The following SEC14L1 variants were observed in gnomAD, a reference collection of about 807,000 sequenced individuals.
SEC14L1 encodes SEC14 like lipid binding 1.
Under a neutral mutation model 85.3 loss-of-function variants are expected in SEC14L1, and 48 were observed. The observed-to-expected ratio is 0.56, with a 90% CI of 0.45 to 0.72. The LOEUF (loss-of-function observed/expected upper bound fraction) is 0.72, where lower values mean the gene tolerates loss of function less well. SEC14L1 is among the 30% of genes least tolerant of loss of function. The pLI, the probability that SEC14L1 is intolerant of heterozygous loss-of-function variation, is 0.00. For synonymous variants in SEC14L1, 391 were observed against 355.5 expected (o/e 1.10, Z -1.12); for missense variants, 682 against 921.4 (o/e 0.74, Z 3.36).
intron 2 of SEC14L1, among the ~76,000 whole-genome samples, chr17:77,090,529 G>T (rs975313005): frequency 6.8e-6 from 1 of 148,020 alleles, no homozygotes; most frequent in East Asian, 2.0e-4. Flanking sequence ...AAAAAGATCC[G>T]ATGGAGACTA....
chr17:77,152,802 A>G (rs182075065), intron 3 of SEC14L1: 2 of 152,320 alleles, frequency 1.3e-5, no homozygotes, highest in African/African-American at 2.4e-5. Context: ...AATGTCTTTC[A>G]TAAGTTGCTT....
At chr17:77,107,880 C>G (rs1053592146) in intron 3 of SEC14L1, among the ~76,000 whole-genome samples, 1 of 152,164 alleles carries the variant, frequency 6.6e-6, no homozygotes, top group Non-Finnish European at 1.5e-5. Context: ...AGCCCACAGT[C>G]TCTGAACACA....
At chr17:77,157,609 C>G (rs971948160) in intron 3 of SEC14L1, among the ~76,000 whole-genome samples, 1 of 151,828 alleles carries the variant, frequency 6.6e-6, no homozygotes, top group Non-Finnish European at 1.5e-5. Context: ...CTCACTGCAG[C>G]CTCCACCTCC....
upstream of SEC14L1, among the ~76,000 whole-genome samples, chr17:77,137,291 G>A (rs762288925): frequency 3.9e-5 from 6 of 152,144 alleles, no homozygotes; most frequent in African/African-American, 1.2e-4. Context: ...GAAGCATGGC[G>A]CTGGCATCTG....
intron 3 of SEC14L1, among the ~76,000 whole-genome samples, chr17:77,153,321 C>T (rs1029640506): frequency 6.6e-6 from 1 of 152,230 alleles, no homozygotes; most frequent in African/African-American, 2.4e-5. Flanking sequence ...CCCTCCTTGG[C>T]CTCCCAAAGT....
chr17:77,112,201 A>C (rs1266443661), intron 3 of SEC14L1, among the ~76,000 whole-genome samples: 1 of 151,978 alleles, frequency 6.6e-6, no homozygotes, highest in Non-Finnish European at 1.5e-5. Context: ...TTCCACCATG[A>C]TTGTAAGTTT....
chr17:77,192,065 G>A (rs1975570015), intron 5 of SEC14L1, among the ~76,000 whole-genome samples: 1 of 152,172 alleles, frequency 6.6e-6, no homozygotes, highest in South Asian at 2.1e-4. Context: ...AAAATGCTGG[G>A]ATTACAGGCG....
intron 3 of SEC14L1, among the ~76,000 whole-genome samples, chr17:77,106,446 C>T (rs1054785216): frequency 1.3e-5 from 2 of 151,490 alleles, no homozygotes; most frequent in African/African-American, 2.4e-5. Context: ...GCAGGAGAAT[C>T]GCTTGAACCC....
At position 77,190,843 on chromosome 17, in the gene SEC14L1, T is replaced by C. The variant is rs1049413; in HGVS notation, c.104T>C (p.Met35Thr). The change falls in exon 4 of 17, where the codon ATG becomes ACG. Residue 35 changes from methionine (M) to threonine (T), a missense_variant. Coordinates refer to ENST00000436233, the MANE Select transcript of SEC14L1 (RefSeq NM_001143998.2). ...RRFPTCPLIP[M>T]FVGSDTVNEF... The stretch of plus-strand genomic sequence containing the variant: ...TTCCCTACATGTCCTTTGATTCCGA[T>C]GTTCGTGGGCAGTGACACTGTGAAT... 3.7e-6 allele frequency: 6 copies of C among 1,614,096 alleles called. No individual in the cohort carries two copies. Among genetic ancestry groups the C allele is most frequent in the East Asian group, 2.2e-5 (1 of 44,904 alleles).
intron 3 of SEC14L1, among the ~76,000 whole-genome samples, chr17:77,110,950 T>C (rs1368781053): frequency 6.6e-6 from 1 of 151,416 alleles, no homozygotes; most frequent in East Asian, 1.9e-4. Context: ...TCCCAGCACT[T>C]TGGGAGGCCG....
At chr17:77,118,675 A>G (rs1230748678) in intron 3 of SEC14L1, among the ~76,000 whole-genome samples, 3 of 152,244 alleles carry the variant, frequency 2.0e-5, no homozygotes, top group African/African-American at 4.8e-5. Flanking sequence ...TTCTAAGTCA[A>G]GGTTATAATT....
intron 3 of SEC14L1, among the ~76,000 whole-genome samples, chr17:77,169,804 C>T (rs1269382072): frequency 2.6e-5 from 4 of 151,920 alleles, no homozygotes; most frequent in Non-Finnish European, 4.4e-5. Flanking sequence ...GGCTTGGTGT[C>T]GGTAGAGGTG....
rs549290829 is a variant in SEC14L1 at position 77,176,055 on chromosome 17, C to T, written c.64-14748C>T. ...CTGTAATCCCAGCACTTTGGGAGGCCAGGGTAGGTGGATCACCTGAGGTCA... is the reference window on the plus strand; with the variant it reads ...CTGTAATCCCAGCACTTTGGGAGGCTAGGGTAGGTGGATCACCTGAGGTCA... On this transcript the variant is annotated intron_variant, in intron 3 of 16. Coordinates refer to ENST00000436233, the MANE Select transcript of SEC14L1 (RefSeq NM_001143998.2). Among the ~76,000 whole-genome samples the T allele has an allele frequency of 1.6e-3, 242 of 151,988 alleles. 1 individual carries two copies. The highest frequency in any genetic ancestry group is 5.3e-3 in the African/African-American group (220 of 41,458).
intron 3 of SEC14L1, among the ~76,000 whole-genome samples, chr17:77,163,560 G>A (rs1974159263): frequency 6.6e-6 from 1 of 152,098 alleles, no homozygotes; most frequent in Non-Finnish European, 1.5e-5. Context: ...TTGTTAACAA[G>A]CAGAATTTTT....
chr17:77,204,204 AT>A (rs1976337046), intron 10 of SEC14L1, among the ~76,000 whole-genome samples: 1 of 151,922 alleles, frequency 6.6e-6, no homozygotes, highest in Admixed American at 6.6e-5. Context: ...TGAAATACGC[AT>A]TTTTGGCTTT....
At chr17:77,196,175 T>G (rs1346810725) in intron 7 of SEC14L1, 27 bp from the exon 8 acceptor site, 1 of 1,559,648 alleles carries the variant, frequency 6.4e-7, no homozygotes, top group East Asian at 2.2e-5. Flanking sequence ...TGTTCTTTGT[T>G]GTAAATAAAT....
intron 3 of SEC14L1, among the ~76,000 whole-genome samples, chr17:77,170,455 G>A (rs1176896126): frequency 6.6e-6 from 1 of 152,174 alleles, no homozygotes; most frequent in Non-Finnish European, 1.5e-5. Flanking sequence ...GGTGATGATG[G>A]CCTGCAAATT....
At chr17:77,168,001 C>A (rs1974359575) in intron 3 of SEC14L1, among the ~76,000 whole-genome samples, 1 of 152,164 alleles carries the variant, frequency 6.6e-6, no homozygotes. Flanking sequence ...CTGTGTCCTT[C>A]CCCTGTTGGC....
intron 3 of SEC14L1, among the ~76,000 whole-genome samples, chr17:77,128,522 T>C (rs899821337): frequency 2.0e-5 from 3 of 151,138 alleles, no homozygotes; most frequent in Admixed American, 6.6e-5. Context: ...GCAGTGGCAC[T>C]GTCTTGGCTC....
Sources: gnomAD v4.1 joint callset for allele counts (sites outside exome capture counted in the v4.1 genomes callset) on GRCh38, gnomAD v4.1.1 for gene constraint, MANE v1.5 for transcripts, NCBI Gene and HGNC (gene_info 2026-07-23, HGNC 2026-07-21) for gene names.